Variants in PATJ observed in about 807,000 individuals in gnomAD.
PATJ encodes inaD-like protein.
A neutral mutation model predicts 224.9 loss-of-function variants in PATJ; 190 were observed. The observed-to-expected ratio is 0.84, with a 90% CI of 0.75 to 0.95. The LOEUF (loss-of-function observed/expected upper bound fraction) is 0.95. Among genes scored for constraint, PATJ ranks in the 40% least tolerant of loss-of-function variants. PATJ has a pLI of 0.00. For synonymous variants in PATJ, 769 were observed against 820.3 expected (o/e 0.94, Z 1.07); for missense variants, 2,121 against 2,270.3 (o/e 0.93, Z 1.34).
At chr1:61,859,912 G>A (rs367564101) in intron 18 of PATJ, among the ~76,000 whole-genome samples, 28 of 152,192 alleles carry the variant, frequency 1.8e-4, no homozygotes, top group Middle Eastern at 3.4e-3. Context: ...GAGCCACTGC[G>A]CCTGGCCTAA....
rs758006039 is a variant in PATJ at position 62,116,635 on chromosome 1, G to T, written c.4759G>T (p.Asp1587Tyr). Residue 1587 changes from aspartate to tyrosine, a missense_variant, in exon 36 of 44, where the codon GAC (aspartate) becomes TAC (tyrosine). Asp to Tyr is a radical substitution (Grantham distance 160). Transcript: ENST00000642238. Reference protein sequence around the residue: ...GDQILSVNGEDMRNASQETVA... With the variant: ...GDQILSVNGEYMRNASQETVA... Reference sequence around the variant, plus strand: ...TCAGATCTTATCTGTGAATGGGGAGGACATGAGAAATGCCTCACAGGAGAC... The same window carrying T: ...TCAGATCTTATCTGTGAATGGGGAGTACATGAGAAATGCCTCACAGGAGAC... 6.2e-7 allele frequency: 1 copy of T among 1,613,788 alleles called. No homozygotes were observed. The highest frequency in any genetic ancestry group is 2.2e-5 in the East Asian group (1 of 44,866).
In PATJ at chr1:61,856,261, T is replaced by C. The variant is rs747010762; in HGVS notation, c.2322+22T>C. 12 of 1,579,738 alleles carry C rather than the reference T, an allele frequency of 7.6e-6. No homozygotes were observed. The Admixed American group carries it at 1.8e-4, about 24-fold the overall frequency. On this transcript the variant is annotated intron_variant, in intron 18 of 43. Transcript: ENST00000642238. ...GGTGGTAAGTGTTGTATTTTGTTAA[T>C]ATAGGAAGTGATAATAGTGCAACAG... is the stretch of plus-strand genomic sequence containing the variant.
intron 41 of PATJ, among the ~76,000 whole-genome samples, chr1:62,142,116 C>T (rs1160810647): frequency 1.3e-5 from 2 of 151,906 alleles, no homozygotes; most frequent in East Asian, 3.9e-4. Flanking sequence ...TGGCATTTGA[C>T]GATACCTTAA....
intron 27 of PATJ, among the ~76,000 whole-genome samples, chr1:61,964,143 A>C (rs1238649171): frequency 1.4e-5 from 2 of 147,558 alleles, no homozygotes; most frequent in Non-Finnish European, 3.0e-5. Context: ...GTACAGTGGC[A>C]TGATCTCAGC....
chr1:61,756,501 G>T (rs1047072214), intron 1 of PATJ, among the ~76,000 whole-genome samples: 1 of 149,896 alleles, frequency 6.7e-6, no homozygotes, highest in Non-Finnish European at 1.5e-5. Flanking sequence ...TGATTCTGAT[G>T]CATGCTAAAG....
intron 28 of PATJ, among the ~76,000 whole-genome samples, chr1:62,005,522 G>A (rs1174870928): frequency 1.4e-5 from 2 of 147,660 alleles, no homozygotes; most frequent in Non-Finnish European, 3.0e-5. Flanking sequence ...TCAGCATTTT[G>A]AGAGGCTGAG....
In PATJ at chr1:61,955,817, T is replaced by C. The variant is rs190862235; in HGVS notation, c.3670+27988T>C. On this transcript the variant is annotated intron_variant, in intron 27 of 43. Transcript: ENST00000642238. ...ACTTTTAAGAAGTTTTAATTTTTCG[T>C]GTCTTCATGCATCTTCTCAAGTAAT... Among the ~76,000 whole-genome samples, 780 of 152,342 alleles carry C rather than the reference T, an allele frequency of 5.1e-3. 3 individuals carry two copies. Among genetic ancestry groups the C allele is most frequent in the Middle Eastern group, 0.01 (3 of 294 alleles).
At chr1:61,768,205 C>CA (rs1646396907) in intron 4 of PATJ, among the ~76,000 whole-genome samples, 1 of 152,054 alleles carries the variant, frequency 6.6e-6, no homozygotes, top group Non-Finnish European at 1.5e-5. Flanking sequence ...CATGGTGACT[C>CA]ACGCCTGTAA....
rs992513884 is a variant in PATJ, at chr1:62,086,194, G to C, written c.4377+1546G>C. Among the ~76,000 whole-genome samples, 1 of 144,678 alleles carries C rather than the reference G, an allele frequency of 6.9e-6. No homozygotes were observed. Among genetic ancestry groups the C allele is most frequent in the African/African-American group, 2.8e-5 (1 of 35,780 alleles). 94.9% of individuals were successfully genotyped at this position (144,678 alleles called of 152,430 possible). The stretch of plus-strand genomic sequence containing the variant: ...CCATTAAAATGAAAACTTTTCCTGG[G>C]TTTTGATTTACTCAAGATGTGATTA... On this transcript the variant is annotated intron_variant, in intron 33 of 43. Transcript: ENST00000642238. This position sits in a 1 kb window ranked among gnomAD's most constrained non-coding sequence, Gnocchi z 4.0.
intron 27 of PATJ, among the ~76,000 whole-genome samples, chr1:61,974,931 G>GT (rs1296870269): frequency 1.3e-5 from 2 of 151,662 alleles, no homozygotes; most frequent in Non-Finnish European, 2.9e-5. Context: ...ACTGTTGGTT[G>GT]TTTTTTTGTT....
At position 61,978,213 on chromosome 1, in the gene PATJ, CT is replaced by C. The variant is rs1474836444; in HGVS notation, c.3671-11953del. Among the ~76,000 whole-genome samples, 6 of 140,482 alleles carry C rather than the reference CT, an allele frequency of 4.3e-5. No individual in the cohort carries two copies. In the East Asian group the frequency reaches 6.2e-4, roughly 14 times the overall value. 92.2% of individuals were successfully genotyped at this position (140,482 alleles called of 152,430 possible). ...TCTTCATATCTTCCTTCCTTCCTTC[CT>C]TCCTTCCTTCCTCCCTCCCTCCCTC... On this transcript the variant is annotated intron_variant, in intron 27 of 43. Transcript: ENST00000642238.
intron 41 of PATJ, among the ~76,000 whole-genome samples, chr1:62,133,574 G>A (rs547367561): frequency 3.9e-5 from 6 of 152,004 alleles, no homozygotes; most frequent in Non-Finnish European, 7.4e-5. Context: ...GTGAGACACC[G>A]TCTCGAGAAA....
chr1:61,798,227 C>T (rs563429283), intron 11 of PATJ, among the ~76,000 whole-genome samples: 1 of 152,270 alleles, frequency 6.6e-6, no homozygotes, highest in African/African-American at 2.4e-5. Flanking sequence ...ACAGGTCTCA[C>T]TTTGTTGCCC....
chr1:61,778,944 C>G (rs1408848245), intron 7 of PATJ, among the ~76,000 whole-genome samples: 1 of 152,140 alleles, frequency 6.6e-6, no homozygotes, highest in African/African-American at 2.4e-5. Context: ...TATGATCCAT[C>G]TGCCTCGGCC....
intron 17 of PATJ, among the ~76,000 whole-genome samples, chr1:61,852,179 A>G (rs1279228402): frequency 6.6e-6 from 1 of 151,688 alleles, no homozygotes; most frequent in African/African-American, 2.4e-5. Context: ...AAATGGGCTG[A>G]ACCAAACATA....
At chr1:61,798,781 C>T (rs908739880) in intron 11 of PATJ, among the ~76,000 whole-genome samples, 2 of 151,544 alleles carry the variant, frequency 1.3e-5, no homozygotes, top group Non-Finnish European at 3.0e-5. Flanking sequence ...GTCCCAGCTA[C>T]TCAGGAGGCT....
chr1:62,007,260 T>C (rs1224872104), intron 28 of PATJ, among the ~76,000 whole-genome samples: 1 of 152,208 alleles, frequency 6.6e-6, no homozygotes, highest in Non-Finnish European at 1.5e-5. Flanking sequence ...TATTACTGTC[T>C]TTCAGGGACT....
chr1:61,974,418 T>G (rs1644010791), intron 27 of PATJ, among the ~76,000 whole-genome samples: 1 of 141,732 alleles, frequency 7.1e-6, no homozygotes, highest in South Asian at 2.4e-4. Context: ...TTTTTTTTTT[T>G]TTTTTTTTTT....
chr1:61,954,172 T>A lies in PATJ; in HGVS notation c.3670+26343T>A, dbSNP rs747932747. Among the ~76,000 whole-genome samples the A allele has an allele frequency of 3.9e-4, 59 of 152,220 alleles. 1 individual carries two copies. The highest frequency in any genetic ancestry group is 2.5e-4 in the Non-Finnish European group (17 of 68,034). ...TCAACATTTATTAAAAGCTTCTATTTATGTATACACATTTAACTCCAAAGT... is the reference window on the plus strand; with the variant it reads ...TCAACATTTATTAAAAGCTTCTATTAATGTATACACATTTAACTCCAAAGT... On this transcript the variant is annotated intron_variant, in intron 27 of 43. Coordinates refer to ENST00000642238, the MANE Select transcript of PATJ (RefSeq NM_001350145.3).
Sources: gnomAD v4.1 joint callset for allele counts (sites outside exome capture counted in the v4.1 genomes callset) on GRCh38, gnomAD v4.1.1 for gene constraint, Gnocchi (gnomAD v3.1) non-coding constraint, MANE v1.5 for transcripts, NCBI Gene and HGNC (gene_info 2026-07-23, HGNC 2026-07-21) for gene names.